The following RAP1A variants were observed in gnomAD, a reference collection of about 807,000 sequenced individuals.
The protein encoded by RAP1A is ras-related protein Rap-1A.
Under a neutral mutation model 26.4 loss-of-function variants are expected in RAP1A, and 6 were observed. That is an observed-to-expected ratio of 0.23 (90% CI 0.12 to 0.45). The LOEUF is 0.45. Among genes scored for constraint, RAP1A ranks in the 20% least tolerant of loss-of-function variants. The pLI is 0.99. For missense variants in RAP1A, 121 were observed against 217.2 expected, an observed-to-expected ratio of 0.56 and a Z score of 2.78; for synonymous variants, 73 against 79.4, an observed-to-expected ratio of 0.92 and a Z score of 0.43.
intron 1 of RAP1A, among the ~76,000 whole-genome samples, chr1:111,625,217 C>T (rs1237883094): frequency 1.3e-5 from 2 of 152,174 alleles, no homozygotes; most frequent in Non-Finnish European, 2.9e-5. Context: ...GTTACTCCTT[C>T]ACGGTTTTTT....
rs561922515 is a variant in RAP1A at position 111,641,359 on chromosome 1, G to A, written c.-28+21425G>A. Among the ~76,000 whole-genome samples, 21 of 152,248 alleles carry A rather than the reference G, an allele frequency of 1.4e-4. No individual in the cohort carries two copies. The East Asian group carries it at 2.1e-3, about 15-fold the overall frequency. On this transcript the variant is annotated intron_variant, in intron 1 of 7. Transcript: ENST00000369709. ...ACTCTTCTCCTTGAGAGGAGAGAAC[G>A]TATAGTGTGGTGGATTGCAACGCTG...
At chr1:111,641,152 T>G (rs1659878777) in intron 1 of RAP1A, among the ~76,000 whole-genome samples, 1 of 152,178 alleles carries the variant, frequency 6.6e-6, no homozygotes, top group African/African-American at 2.4e-5. Flanking sequence ...TATATAGAAA[T>G]AATTAGTTTT....
chr1:111,591,942 C>G (rs1658480100), intron 1 of RAP1A, among the ~76,000 whole-genome samples: 1 of 152,188 alleles, frequency 6.6e-6, no homozygotes, highest in Non-Finnish European at 1.5e-5. Context: ...ATTCAGAATT[C>G]GAAGTTCAGA....
Position 111,565,205 on chromosome 1 carries a change from G to T in RAP1A, c.-28+22696G>T, listed in dbSNP as rs4839144. ...GAGGCCAGTGTGGCTGGAGCAGAAT[G>T]AACAAAGGGGGGGAGTGTGGTAGAA... On this transcript the variant is annotated intron_variant, in intron 1 of 7. Coordinates refer to the RAP1A transcript ENST00000356415. Among the ~76,000 whole-genome samples, 612 of 152,274 alleles carry T rather than the reference G, an allele frequency of 4.0e-3. 21 individuals carry two copies. Among genetic ancestry groups the T allele is most frequent in the Admixed American group, 0.037 (565 of 15,290 alleles).
intron 1 of RAP1A, among the ~76,000 whole-genome samples, chr1:111,591,415 T>C (rs1035645013): frequency 2.0e-5 from 3 of 152,234 alleles, no homozygotes; most frequent in Admixed American, 6.5e-5. Context: ...GATGGACATG[T>C]GACTCATTAA....
At chr1:111,695,674 G>A (rs746143931) in intron 3 of RAP1A, among the ~76,000 whole-genome samples, 8 of 152,128 alleles carry the variant, frequency 5.3e-5, no homozygotes, top group Non-Finnish European at 1.0e-4. Context: ...TGAAAAAATT[G>A]CATATAAATA....
intron 1 of RAP1A, among the ~76,000 whole-genome samples, chr1:111,556,911 G>T (rs2789530): frequency 2.6e-5 from 4 of 151,144 alleles, no homozygotes; most frequent in African/African-American, 9.7e-5. Flanking sequence ...TTATATATAT[G>T]TATGTACATA....
intron 3 of RAP1A, among the ~76,000 whole-genome samples, chr1:111,696,152 A>G (rs1357202869): frequency 6.6e-6 from 1 of 152,214 alleles, no homozygotes; most frequent in Non-Finnish European, 1.5e-5. Context: ...TATTCTGTAG[A>G]AGACCAGCCA....
chr1:111,701,609 T>C (rs1356227935), intron 4 of RAP1A, among the ~76,000 whole-genome samples: 2 of 152,192 alleles, frequency 1.3e-5, no homozygotes, highest in Non-Finnish European at 1.5e-5. Context: ...ATGAAACTTG[T>C]AGAATGTCCT....
At chr1:111,652,018 G>T (rs941530731) in intron 1 of RAP1A, among the ~76,000 whole-genome samples, 1 of 151,932 alleles carries the variant, frequency 6.6e-6, no homozygotes, top group Non-Finnish European at 1.5e-5. Context: ...CTGTCACCCA[G>T]GCTAAAGTGT....
At chr1:111,550,339 A>C (rs1184325082) in intron 1 of RAP1A, among the ~76,000 whole-genome samples, 2 of 151,928 alleles carry the variant, frequency 1.3e-5, no homozygotes, top group Non-Finnish European at 2.9e-5. Context: ...CTTTCACTCT[A>C]ATCTTTATTA....
chr1:111,645,002 ATC>A (rs1660018852), intron 1 of RAP1A, among the ~76,000 whole-genome samples: 1 of 152,188 alleles, frequency 6.6e-6, no homozygotes, highest in South Asian at 2.1e-4. Flanking sequence ...AGAATATTAT[ATC>A]TCTCTCAGCT....
chr1:111,550,238 A>G (rs1271881991), intron 1 of RAP1A, among the ~76,000 whole-genome samples: 1 of 152,184 alleles, frequency 6.6e-6, no homozygotes, highest in Non-Finnish European at 1.5e-5. Flanking sequence ...CAGCATGGAT[A>G]AAGGATTGCC....
chr1:111,600,109 A>G (rs1362123583), intron 1 of RAP1A: 1 of 152,372 alleles, frequency 6.6e-6, no homozygotes, highest in Non-Finnish European at 1.5e-5. Context: ...CAGAACCACA[A>G]GCCAAAATAA....
At chr1:111,687,729 T>C (rs1661528807) in intron 1 of RAP1A, among the ~76,000 whole-genome samples, 1 of 152,142 alleles carries the variant, frequency 6.6e-6, no homozygotes. Context: ...AAATTACTTT[T>C]GTGGCTGGGT....
At chr1:111,653,286 G>GT (rs1458760321) in intron 1 of RAP1A, among the ~76,000 whole-genome samples, 9 of 151,398 alleles carry the variant, frequency 5.9e-5, no homozygotes, top group South Asian at 2.1e-4. Flanking sequence ...TCATGGATAT[G>GT]TTTTTTTTTG....
Position 111,713,486 on chromosome 1 carries a change from T to TC in RAP1A, c.*1086dup, listed in dbSNP as rs1478097377. ...AGATCTTCCACAGCTTGTAATTTCA[T>TC]CAAGGGAATCCTTTTGCATTGTTAA... On this transcript the variant is annotated 3_prime_UTR_variant, in exon 8 of 8. Coordinates refer to ENST00000369709, the MANE Select transcript of RAP1A (RefSeq NM_002884.4). 5 of 152,206 alleles carry TC rather than the reference T, an allele frequency of 3.3e-5. No individual in the cohort carries two copies. The highest frequency in any genetic ancestry group is 1.2e-4 in the African/African-American group (5 of 41,470). The allele number at this position is 152,206 out of a possible 1,614,324, so 9.4% of individuals were successfully genotyped here. A position where few individuals can be genotyped will look rare whatever the true frequency, so the allele number is the denominator to read the frequency against.
At chr1:111,554,230 A>C (rs1022568508) in intron 1 of RAP1A, among the ~76,000 whole-genome samples, 3 of 152,258 alleles carry the variant, frequency 2.0e-5, no homozygotes, top group Non-Finnish European at 4.4e-5. Flanking sequence ...AAAAACATAG[A>C]TCAAGTTAGA....
chr1:111,579,633 T>G (rs1156828768), intron 1 of RAP1A, among the ~76,000 whole-genome samples: 1 of 152,116 alleles, frequency 6.6e-6, no homozygotes, highest in Non-Finnish European at 1.5e-5. Flanking sequence ...GATGAAAATA[T>G]CAACTAAGTC....
Sources: allele counts gnomAD v4.1 joint callset (sites outside exome capture counted in the v4.1 genomes callset), GRCh38; gene constraint gnomAD v4.1.1; transcripts MANE v1.5; gene names NCBI Gene and HGNC (gene_info 2026-07-23, HGNC 2026-07-21).